The following GRM7 variants were observed in gnomAD, a reference collection of about 807,000 sequenced individuals.
The protein encoded by GRM7 is metabotropic glutamate receptor 7.
In GRM7, 35 loss-of-function variants were observed where a neutral mutation model predicts 84.5. The ratio of observed to expected loss-of-function variants is 0.41; its 90% CI spans 0.32 to 0.55. The LOEUF (loss-of-function observed/expected upper bound fraction) is 0.55, where lower values mean the gene tolerates loss of function less well. Among genes scored for constraint, GRM7 ranks in the 20% least tolerant of loss-of-function variants. The pLI is 0.19. For missense variants in GRM7, 1,003 were observed against 1,194.6 expected, an observed-to-expected ratio of 0.84 and a Z score of 2.36; for synonymous variants, 487 against 455.1, an observed-to-expected ratio of 1.07 and a Z score of -0.89.
intron 8 of GRM7, among the ~76,000 whole-genome samples, chr3:7,609,939 G>A (rs893766507): frequency 6.6e-6 from 1 of 152,166 alleles, no homozygotes; most frequent in South Asian, 2.1e-4. Flanking sequence ...TCATAGCTGG[G>A]TACTTCTGAC....
chr3:7,052,682 G>A (rs1220036601), intron 1 of GRM7, among the ~76,000 whole-genome samples: 1 of 141,428 alleles, frequency 7.1e-6, no homozygotes, highest in African/African-American at 2.7e-5. Flanking sequence ...TCAGTTTATT[G>A]CTCTTGATAT....
chr3:7,139,328 A>T (rs1441027433), intron 1 of GRM7, among the ~76,000 whole-genome samples: 1 of 151,784 alleles, frequency 6.6e-6, no homozygotes, highest in Non-Finnish European at 1.5e-5. Context: ...CTAGCATAAC[A>T]CAGCAACACA....
At chr3:7,321,667 C>G (rs983992243) in intron 4 of GRM7, among the ~76,000 whole-genome samples, 10 of 151,654 alleles carry the variant, frequency 6.6e-5, no homozygotes, top group African/African-American at 2.4e-4. Flanking sequence ...CACTCTGACA[C>G]TGATATTTGG....
chr3:7,120,959 G>T (rs932347864), intron 1 of GRM7, among the ~76,000 whole-genome samples: 5 of 152,110 alleles, frequency 3.3e-5, no homozygotes, highest in Non-Finnish European at 5.9e-5. Flanking sequence ...TACCTGTATC[G>T]CATCACTTAC....
intron 1 of GRM7, among the ~76,000 whole-genome samples, chr3:7,006,754 A>T (rs1026593960): frequency 6.6e-6 from 1 of 152,196 alleles, no homozygotes; most frequent in Non-Finnish European, 1.5e-5. Flanking sequence ...TGTATAACTG[A>T]AAGGCAAAAA....
intron 7 of GRM7, among the ~76,000 whole-genome samples, chr3:7,479,567 A>AAT (rs1699049702): frequency 6.6e-6 from 1 of 152,118 alleles, no homozygotes; most frequent in East Asian, 1.9e-4. Flanking sequence ...GGGCCTTCTA[A>AAT]ATATATATTG....
At chr3:7,289,884 G>C (rs1278708460) in intron 2 of GRM7, among the ~76,000 whole-genome samples, 1 of 150,958 alleles carries the variant, frequency 6.6e-6, no homozygotes, top group Admixed American at 6.6e-5. Context: ...GAGAGGGATA[G>C]CATTAGGAGA....
At chr3:7,474,936 A>G (rs1194043458) in intron 7 of GRM7, among the ~76,000 whole-genome samples, 17 of 152,220 alleles carry the variant, frequency 1.1e-4, no homozygotes, top group Admixed American at 1.1e-3. Flanking sequence ...AAATTGTTAA[A>G]TACAAAGTGG....
intron 2 of GRM7, among the ~76,000 whole-genome samples, chr3:7,169,951 C>G (rs1694928501): frequency 6.6e-6 from 1 of 152,174 alleles, no homozygotes; most frequent in Non-Finnish European, 1.5e-5. Context: ...AAACTTTAAT[C>G]TGCATCAGAA....
intron 1 of GRM7, among the ~76,000 whole-genome samples, chr3:7,104,172 T>C (rs540361112): frequency 2.7e-3 from 416 of 151,762 alleles, no homozygotes; most frequent in Non-Finnish European, 3.6e-3. Context: ...TCTCTTTTCA[T>C]GTGAGGACAC....
intron 4 of GRM7, among the ~76,000 whole-genome samples, chr3:7,341,371 ATGTT>A (rs778065109): frequency 6.7e-6 from 1 of 148,658 alleles, no homozygotes; most frequent in Non-Finnish European, 1.5e-5. Flanking sequence ...AATTCAACTC[ATGTT>A]TTTTTTTTGT....
At chr3:7,533,810 C>G (rs887091583) in intron 7 of GRM7, among the ~76,000 whole-genome samples, 1 of 152,136 alleles carries the variant, frequency 6.6e-6, no homozygotes, top group African/African-American at 2.4e-5. Flanking sequence ...TGCCAACTTT[C>G]CCTAATTCAA....
chr3:7,533,504 A>C (rs1199711466), intron 7 of GRM7, among the ~76,000 whole-genome samples: 1 of 152,226 alleles, frequency 6.6e-6, no homozygotes, highest in Non-Finnish European at 1.5e-5. Context: ...ACCAGTGTTT[A>C]GAGGATGTTA....
At chr3:7,317,869 T>C (rs1324016612) in intron 4 of GRM7, among the ~76,000 whole-genome samples, 2 of 151,994 alleles carry the variant, frequency 1.3e-5, no homozygotes, top group Non-Finnish European at 2.9e-5. Flanking sequence ...CTTGAAGTTA[T>C]GGGTACAAAA....
intron 1 of GRM7, among the ~76,000 whole-genome samples, chr3:6,867,820 T>C (rs920981773): frequency 1.3e-5 from 2 of 152,188 alleles, no homozygotes; most frequent in African/African-American, 2.4e-5. Context: ...ATAAAACCTA[T>C]GTACAGGTAA....
At chr3:7,672,884 C>G (rs549537754) in intron 8 of GRM7, among the ~76,000 whole-genome samples, 2 of 152,016 alleles carry the variant, frequency 1.3e-5, no homozygotes, top group African/African-American at 2.4e-5. Context: ...TGTGAGCCAC[C>G]GCGCCCAGCC....
At chr3:7,543,714 G>A (rs1693006703) in intron 7 of GRM7, among the ~76,000 whole-genome samples, 1 of 152,178 alleles carries the variant, frequency 6.6e-6, no homozygotes, top group Non-Finnish European at 1.5e-5. Flanking sequence ...TTAATAGGAG[G>A]AGAGAATTCT....
At chr3:7,193,477 C>A (rs1440410488) in intron 2 of GRM7, among the ~76,000 whole-genome samples, 2 of 152,070 alleles carry the variant, frequency 1.3e-5, no homozygotes, top group African/African-American at 4.8e-5. Context: ...ATTTCATGGA[C>A]CTCTCACTCC....
chr3:7,186,175 A>G (rs993725033), intron 2 of GRM7, among the ~76,000 whole-genome samples: 3 of 152,202 alleles, frequency 2.0e-5, no homozygotes, highest in African/African-American at 7.2e-5. Flanking sequence ...TCTTATGTCC[A>G]TTGCCATTAA....
Sources: allele counts gnomAD v4.1 joint callset (sites outside exome capture counted in the v4.1 genomes callset), GRCh38; gene constraint gnomAD v4.1.1; transcripts MANE v1.5; gene names NCBI Gene and HGNC (gene_info 2026-07-23, HGNC 2026-07-21).